PCDH15: variants seen among roughly 807,000 people sequenced by gnomAD.
PCDH15 encodes the protein protocadherin related 15.
In PCDH15, 129 loss-of-function variants were observed where a neutral mutation model predicts 178.5. The observed-to-expected ratio is 0.72, with a 90% CI of 0.63 to 0.84. The LOEUF (loss-of-function observed/expected upper bound fraction) is 0.84, where lower values mean the gene tolerates loss of function less well. Among genes scored for constraint, PCDH15 ranks in the 40% least tolerant of loss-of-function variants. PCDH15 has a pLI of 0.00. For missense variants in PCDH15, 2,230 were observed against 2,099.9 expected (o/e 1.06, Z -1.21); for synonymous variants, 800 against 732.0 (o/e 1.09, Z -1.50).
chr10:55,303,681 C>T lies in PCDH15; in HGVS notation c.-156+15918G>A, dbSNP rs530301787. On this transcript the variant is annotated intron_variant, in intron 1 of 5. Transcript: ENST00000458638. The stretch of plus-strand genomic sequence containing the variant: ...AATAGGTGTATTTCATCTAAGTTGT[C>T]TATTTTATGTGTATAGAGTTGTTTG... Among the ~76,000 whole-genome samples the T allele has an allele frequency of 2.4e-4, 36 of 152,012 alleles. No individual in the cohort carries two copies. In the South Asian group the frequency reaches 7.5e-3, roughly 32 times the overall value.
rs146575083 is a variant in PCDH15, at chr10:54,387,415, A to G, written c.158-8473T>C. Reference sequence around the variant, plus strand: ...AGCCTTGAAAAAGAAGGAAATTCTGACACATGCTACAACATGGATCAACAG... The same window carrying G: ...AGCCTTGAAAAAGAAGGAAATTCTGGCACATGCTACAACATGGATCAACAG... On this transcript the variant is annotated intron_variant, in intron 3 of 37. Transcript: ENST00000644397. Among the ~76,000 whole-genome samples the G allele has an allele frequency of 5.4e-3, 826 of 152,352 alleles. 4 individuals are homozygous for G. Among genetic ancestry groups the G allele is most frequent in the African/African-American group, 0.018 (736 of 41,580 alleles).
chr10:54,011,851 G>C (rs1244432011), intron 20 of PCDH15, among the ~76,000 whole-genome samples: 1 of 152,146 alleles, frequency 6.6e-6, no homozygotes, highest in African/African-American at 2.4e-5. Flanking sequence ...AAGAACCAGT[G>C]CAAGAACTTT....
intron 2 of PCDH15, among the ~76,000 whole-genome samples, chr10:54,578,584 TG>T (rs923414522): frequency 1.4e-4 from 21 of 152,266 alleles, no homozygotes; most frequent in African/African-American, 4.8e-4. Flanking sequence ...GTCAGTTAGC[TG>T]GTGTCAGTTT....
intron 2 of PCDH15, among the ~76,000 whole-genome samples, chr10:55,583,412 C>A (rs1036101877): frequency 6.6e-6 from 1 of 152,018 alleles, no homozygotes; most frequent in Non-Finnish European, 1.5e-5. Flanking sequence ...TCTGTTGGAT[C>A]TTAACACTAT....
chr10:55,117,703 C>A (rs1282200984), intron 2 of PCDH15, among the ~76,000 whole-genome samples: 5 of 152,132 alleles, frequency 3.3e-5, no homozygotes, highest in Admixed American at 6.5e-5. Flanking sequence ...TTTGTACAGG[C>A]TCTGTGAGGC....
chr10:55,439,405 C>T (rs1305470018), intron 2 of PCDH15, among the ~76,000 whole-genome samples: 1 of 152,010 alleles, frequency 6.6e-6, no homozygotes, highest in Admixed American at 6.6e-5. Flanking sequence ...ATAGAATTAA[C>T]ATTGTGCGCA....
intron 2 of PCDH15, among the ~76,000 whole-genome samples, chr10:55,370,646 G>A (rs559953778): frequency 6.6e-6 from 1 of 152,110 alleles, no homozygotes; most frequent in South Asian, 2.1e-4. Context: ...ATTGCTTCTT[G>A]TTTTATGTTA....
rs570674920 is a variant in PCDH15 at position 53,838,166 on chromosome 10, G to A, written c.3983+2154C>T. 1.1e-3 allele frequency among the ~76,000 whole-genome samples: 160 copies of A among 151,676 alleles called. 2 individuals are homozygous for A. The highest frequency in any genetic ancestry group is 3.8e-3 in the African/African-American group (156 of 41,416). ...AATTTTTTGTATTTTTAGTAGAGAC[G>A]GGGTTTCACCGTGTTAGCCAGGATG... On this transcript the variant is annotated intron_variant, in intron 29 of 37. Coordinates refer to ENST00000644397, the MANE Select transcript of PCDH15 (RefSeq NM_001384140.1).
At chr10:54,270,997 T>C (rs2058014218) in intron 8 of PCDH15, among the ~76,000 whole-genome samples, 1 of 152,048 alleles carries the variant, frequency 6.6e-6, no homozygotes, top group Admixed American at 6.6e-5. Flanking sequence ...TACCAACATA[T>C]TATAGAAAGA....
At chr10:55,470,909 T>C (rs1839942294) in intron 2 of PCDH15, among the ~76,000 whole-genome samples, 1 of 152,150 alleles carries the variant, frequency 6.6e-6, no homozygotes, top group Non-Finnish European at 1.5e-5. Flanking sequence ...TTTGGAATCT[T>C]AGAATATGTA....
chr10:54,956,143 T>G (rs1041255783), intron 2 of PCDH15, among the ~76,000 whole-genome samples: 4 of 151,394 alleles, frequency 2.6e-5, no homozygotes, highest in African/African-American at 9.7e-5. Context: ...CAGTATTGAT[T>G]GACAGGCCAT....
At chr10:55,146,059 C>T (rs1838501398) in intron 2 of PCDH15, among the ~76,000 whole-genome samples, 1 of 151,876 alleles carries the variant, frequency 6.6e-6, no homozygotes, top group African/African-American at 2.4e-5. Flanking sequence ...GTATAATCAG[C>T]TGATAGAGTA....
intron 1 of PCDH15, among the ~76,000 whole-genome samples, chr10:54,672,293 C>G (rs2094689563): frequency 6.6e-6 from 1 of 151,998 alleles, no homozygotes; most frequent in Non-Finnish European, 1.5e-5. Context: ...CACTCTCCTG[C>G]TCCCAGCCCC....
chr10:55,135,932 T>A (rs1049202862), intron 2 of PCDH15, among the ~76,000 whole-genome samples: 8 of 152,174 alleles, frequency 5.3e-5, no homozygotes, highest in African/African-American at 1.9e-4. Flanking sequence ...GCATCTTGAA[T>A]CTGAATCAAA....
At chr10:54,164,101 G>A (rs1320386988) in intron 13 of PCDH15, among the ~76,000 whole-genome samples, 5 of 152,126 alleles carry the variant, frequency 3.3e-5, no homozygotes, top group African/African-American at 4.8e-5. Context: ...AGAAGCTTTC[G>A]CTAGTGAAAG....
intron 1 of PCDH15, among the ~76,000 whole-genome samples, chr10:54,783,049 C>G (rs1950523357): frequency 6.6e-6 from 1 of 151,992 alleles, no homozygotes; most frequent in Non-Finnish European, 1.5e-5. Context: ...GCACAGATAT[C>G]AATGGAGGGA....
intron 1 of PCDH15, among the ~76,000 whole-genome samples, chr10:55,307,277 C>T (rs542391124): frequency 2.0e-5 from 3 of 151,874 alleles, no homozygotes; most frequent in African/African-American, 4.8e-5. Flanking sequence ...CCGAGGCAGG[C>T]GGATCACGAG....
intron 1 of PCDH15, among the ~76,000 whole-genome samples, chr10:55,197,732 G>A (rs550647482): frequency 5.3e-5 from 8 of 152,146 alleles, no homozygotes; most frequent in African/African-American, 9.6e-5. Context: ...TTCCTGGTAA[G>A]TACATTATCT....
At chr10:54,058,684 T>G (rs1004543126) in intron 18 of PCDH15, among the ~76,000 whole-genome samples, 1 of 93,742 alleles carries the variant, frequency 1.1e-5, no homozygotes, top group Non-Finnish European at 2.1e-5. Context: ...ACATATTTCT[T>G]TCTTTCTTTC....
Sources: gnomAD v4.1 joint callset for allele counts (sites outside exome capture counted in the v4.1 genomes callset) on GRCh38, gnomAD v4.1.1 for gene constraint, MANE v1.5 for transcripts, NCBI Gene and HGNC (gene_info 2026-07-23, HGNC 2026-07-21) for gene names.